CELF2: variants seen among roughly 807,000 people sequenced by gnomAD.
CELF2 encodes CUG triplet repeat RNA-binding protein 2.
CELF2 carries 8 observed loss-of-function variants against 62.6 expected under a neutral mutation model. That is an observed-to-expected ratio of 0.13 (90% CI 0.07 to 0.23). The LOEUF is 0.23. Ranked by LOEUF, CELF2 falls within the 10% of genes least tolerant of loss-of-function variation. The probability of loss-of-function intolerance (pLI) is 1.00; values close to 1 mark genes in which losing one functional copy is unlikely to be tolerated. For synonymous variants in CELF2, 258 were observed against 250.0 expected, an observed-to-expected ratio of 1.03 and a Z score of -0.30; for missense variants, 333 against 671.0, an observed-to-expected ratio of 0.50 and a Z score of 5.56.
chr10:11,037,028 G>C (rs2061061288), intron 1 of CELF2, among the ~76,000 whole-genome samples: 1 of 152,088 alleles, frequency 6.6e-6, no homozygotes, highest in Non-Finnish European at 1.5e-5. Context: ...CCTTTTTAGA[G>C]AGCTTCTATC....
At chr10:11,162,352 T>G (rs1277242432) in intron 1 of CELF2, among the ~76,000 whole-genome samples, 1 of 151,636 alleles carries the variant, frequency 6.6e-6, no homozygotes, top group African/African-American at 2.4e-5. Flanking sequence ...AGGTGGGGGG[T>G]GGTGATATTT....
chr10:11,213,140 G>T (rs2062368810), intron 2 of CELF2, among the ~76,000 whole-genome samples: 1 of 152,206 alleles, frequency 6.6e-6, no homozygotes, highest in East Asian at 1.9e-4. Context: ...GGACAGTAGG[G>T]AAGGTGGGTT....
At chr10:10,982,298 C>T (rs773860467) in intron 2 of CELF2, among the ~76,000 whole-genome samples, 2 of 152,256 alleles carry the variant, frequency 1.3e-5, no homozygotes, top group East Asian at 3.9e-4. Context: ...TCAAAATCCT[C>T]TGGCACCTGG....
intron 2 of CELF2, among the ~76,000 whole-genome samples, chr10:10,991,374 G>A (rs188672681): frequency 3.9e-5 from 6 of 152,238 alleles, no homozygotes; most frequent in Admixed American, 2.0e-4. Flanking sequence ...CACGCTAAGG[G>A]GATGTGACAA....
rs371442396 is a variant in CELF2, at chr10:11,321,316, C to T, written c.1224C>T (p.Ala408=). The T allele has an allele frequency of 9.8e-5, 158 of 1,612,878 alleles. No individual in the cohort carries two copies. The highest frequency in any genetic ancestry group is 1.3e-4 in the Non-Finnish European group (150 of 1,180,016). ...ACTCAGGAATTCAACAGTACGCAGC[C>T]GCCGCGCTGCCCACTCTGTACAGCC... is the stretch of plus-strand genomic sequence containing the variant. ...QAYSGIQQYA[A]AALPTLYSQS... is the part of the protein sequence containing the mutation. The change falls in exon 11 of 13, where the codon GCC becomes GCT. Residue 408 remains alanine (A), a synonymous_variant. Coordinates refer to ENST00000633077, the MANE Select transcript of CELF2 (RefSeq NM_001326342.2). This position sits in a 1 kb window ranked among gnomAD's most constrained non-coding sequence, Gnocchi z 6.2.
At chr10:11,301,862 G>A (rs919149915) in intron 9 of CELF2, among the ~76,000 whole-genome samples, 2 of 152,026 alleles carry the variant, frequency 1.3e-5, no homozygotes, top group East Asian at 2.0e-4. Context: ...CAGTTAGGCC[G>A]CGGGAGGTGG....
chr10:10,553,788 A>T, the CELF2 span, among the ~76,000 whole-genome samples: 1 of 152,168 alleles, frequency 6.6e-6, no homozygotes, highest in African/African-American at 2.4e-5. Context: ...GACAAGTTCA[A>T]GGAGGTCACT....
the CELF2 span, among the ~76,000 whole-genome samples, chr10:10,545,675 C>T: frequency 1.8e-4 from 27 of 152,226 alleles, no homozygotes; most frequent in African/African-American, 6.0e-4. Flanking sequence ...TGTACACACA[C>T]GCACACTAAA....
chr10:11,241,011 G>A (rs551876739), intron 3 of CELF2, among the ~76,000 whole-genome samples: 3 of 152,012 alleles, frequency 2.0e-5, no homozygotes, highest in Admixed American at 2.0e-4. Context: ...TCTCTGCCTG[G>A]GTTCCTCATA....
chr10:11,078,793 A>T (rs2072970496), intron 1 of CELF2, among the ~76,000 whole-genome samples: 1 of 152,152 alleles, frequency 6.6e-6, no homozygotes, highest in Non-Finnish European at 1.5e-5. Flanking sequence ...GCAAGAAAAG[A>T]CTCTAAACCT....
chr10:10,676,501 A>C, the CELF2 span, among the ~76,000 whole-genome samples: 2 of 152,220 alleles, frequency 1.3e-5, no homozygotes, highest in Non-Finnish European at 2.9e-5. Context: ...CAAAGCACCA[A>C]GAGATTTTTC....
At position 11,316,279 on chromosome 10, in the gene CELF2, C is replaced by T. The variant is rs1253265355; in HGVS notation, c.1096+2021C>T. ...AAAGAATGTTTGTCATTTCAAATAA[C>T]CCCTGCTAGATAGTATGAACCAAGA... On this transcript the variant is annotated intron_variant, in intron 10 of 12. Coordinates refer to ENST00000633077, the MANE Select transcript of CELF2 (RefSeq NM_001326342.2). This position sits in a 1 kb window ranked among gnomAD's most constrained non-coding sequence, Gnocchi z 4.4. 3.9e-5 allele frequency among the ~76,000 whole-genome samples: 6 copies of T among 152,222 alleles called. No homozygotes were observed. The highest frequency in any genetic ancestry group is 1.4e-4 in the African/African-American group (6 of 41,450).
At chr10:11,199,283 G>A (rs537504318) in intron 2 of CELF2, among the ~76,000 whole-genome samples, 1 of 152,234 alleles carries the variant, frequency 6.6e-6, no homozygotes, top group African/African-American at 2.4e-5. Context: ...TCCCCGATTC[G>A]GTTGCTGGTT....
chr10:10,498,146 CAAG>C, the CELF2 span, among the ~76,000 whole-genome samples: 1 of 152,076 alleles, frequency 6.6e-6, no homozygotes, highest in Non-Finnish European at 1.5e-5. Context: ...CTGGCCTGAA[CAAG>C]AAGGAGATAA....
At chr10:10,870,546 G>C (rs760465862) in intron 1 of CELF2, among the ~76,000 whole-genome samples, 3 of 152,128 alleles carry the variant, frequency 2.0e-5, no homozygotes, top group Non-Finnish European at 2.9e-5. Flanking sequence ...CAGGAAGTCA[G>C]CCCTCTGAGA....
chr10:10,860,855 G>C (rs557636977), intron 1 of CELF2, among the ~76,000 whole-genome samples: 1 of 152,340 alleles, frequency 6.6e-6, no homozygotes, highest in African/African-American at 2.4e-5. Context: ...TTGACAGCCT[G>C]TGATTTGCTA....
intron 1 of CELF2, among the ~76,000 whole-genome samples, chr10:11,041,542 A>G (rs1377026255): frequency 1.3e-5 from 2 of 152,246 alleles, no homozygotes; most frequent in East Asian, 1.9e-4. Flanking sequence ...ATGAAAAAAT[A>G]AAGTGCAGCT....
In CELF2 at chr10:10,938,473, A is replaced by G. The variant is rs564451827; in HGVS notation, c.89+18474A>G. ...CAAATTTCGTTTGAATGAACATTTT[A>G]TGGATTTTTGTGACACTGAGGGATA... is the stretch of plus-strand genomic sequence containing the variant. On this transcript the variant is annotated intron_variant, in intron 2 of 13. Transcript: ENST00000636488. This position sits in a 1 kb window ranked among gnomAD's most constrained non-coding sequence, Gnocchi z 4.2. Among the ~76,000 whole-genome samples, 17 of 152,360 alleles carry G rather than the reference A, an allele frequency of 1.1e-4. No individual in the cohort carries two copies. The highest frequency in any genetic ancestry group is 1.8e-4 in the Non-Finnish European group (12 of 68,030).
chr10:11,087,562 A>G (rs561415557), intron 1 of CELF2, among the ~76,000 whole-genome samples: 3 of 152,344 alleles, frequency 2.0e-5, no homozygotes, highest in African/African-American at 7.2e-5. Flanking sequence ...GCAGCTGTCT[A>G]TCATTTTCTT....
Sources: gnomAD v4.1 joint callset for allele counts (sites outside exome capture counted in the v4.1 genomes callset) on GRCh38, gnomAD v4.1.1 for gene constraint, Gnocchi (gnomAD v3.1) non-coding constraint, MANE v1.5 for transcripts, NCBI Gene and HGNC (gene_info 2026-07-23, HGNC 2026-07-21) for gene names.